The following DPP10 variants were observed in gnomAD, a reference collection of about 807,000 sequenced individuals.
DPP10 encodes inactive dipeptidyl peptidase 10.
A neutral mutation model predicts 120.9 loss-of-function variants in DPP10; 33 were observed. The ratio of observed to expected loss-of-function variants is 0.27; its 90% CI spans 0.21 to 0.37. DPP10 has a LOEUF of 0.37. DPP10 is among the 10% of genes least tolerant of loss of function. DPP10 has a pLI of 1.00. For missense variants in DPP10, 816 were observed against 942.8 expected (o/e 0.87, Z 1.76); for synonymous variants, 337 against 326.1 (o/e 1.03, Z -0.36).
At chr2:115,433,224 C>A (rs138947314) in intron 3 of DPP10, among the ~76,000 whole-genome samples, 1 of 152,112 alleles carries the variant, frequency 6.6e-6, no homozygotes, top group African/African-American at 2.4e-5. Context: ...GAAAGAAGGG[C>A]ATTTTTCATT....
chr2:114,514,542 G>A (rs1684430914), intron 1 of DPP10, among the ~76,000 whole-genome samples: 1 of 152,124 alleles, frequency 6.6e-6, no homozygotes, highest in South Asian at 2.1e-4. Flanking sequence ...GACCAGAGAA[G>A]CTTAAGGCAT....
At chr2:114,614,391 A>C (rs1693524427) in intron 1 of DPP10, among the ~76,000 whole-genome samples, 1 of 152,148 alleles carries the variant, frequency 6.6e-6, no homozygotes, top group Admixed American at 6.6e-5. Flanking sequence ...CAAATTCCTA[A>C]TGCTTGGTCT....
intron 3 of DPP10, among the ~76,000 whole-genome samples, chr2:115,400,861 C>A (rs1027171971): frequency 6.6e-6 from 1 of 152,170 alleles, no homozygotes; most frequent in Non-Finnish European, 1.5e-5. Flanking sequence ...TTTGTAACAG[C>A]GGGCATTGAA....
At chr2:115,811,901 C>T (rs183835633) in intron 19 of DPP10, among the ~76,000 whole-genome samples, 3 of 152,236 alleles carry the variant, frequency 2.0e-5, no homozygotes, top group South Asian at 2.1e-4. Context: ...TATAGTTCTC[C>T]ATTTTTAAGT....
chr2:115,832,902 C>T (rs977696524), intron 21 of DPP10, among the ~76,000 whole-genome samples: 1 of 151,914 alleles, frequency 6.6e-6, no homozygotes, highest in Non-Finnish European at 1.5e-5. Context: ...GCAGTAATAA[C>T]TTGTTGTATA....
intron 1 of DPP10, among the ~76,000 whole-genome samples, chr2:114,979,551 AAAC>A (rs1320161746): frequency 2.0e-5 from 3 of 152,044 alleles, no homozygotes; most frequent in Non-Finnish European, 2.9e-5. Flanking sequence ...GGGAATTACT[AAAC>A]AATCTGTCAC....
At chr2:114,839,412 A>T (rs1002089807) in intron 1 of DPP10, among the ~76,000 whole-genome samples, 1 of 152,226 alleles carries the variant, frequency 6.6e-6, no homozygotes, top group Non-Finnish European at 1.5e-5. Flanking sequence ...GCTACTATGT[A>T]CATTAAATTC....
intron 1 of DPP10, among the ~76,000 whole-genome samples, chr2:115,114,053 T>C (rs2049370901): frequency 6.6e-6 from 1 of 152,222 alleles, no homozygotes; most frequent in Non-Finnish European, 1.5e-5. Flanking sequence ...CTACAGCTTC[T>C]GAGATGACTT....
intron 1 of DPP10, among the ~76,000 whole-genome samples, chr2:115,238,761 T>C (rs983425869): frequency 2.0e-5 from 3 of 152,172 alleles, no homozygotes; most frequent in Non-Finnish European, 4.4e-5. Context: ...TAGAATATTA[T>C]ATAAAGTTGG....
At chr2:114,768,396 A>G (rs73949012) in intron 1 of DPP10, among the ~76,000 whole-genome samples, 1,996 of 152,330 alleles carry the variant, frequency 0.013, 63 homozygotes, top group African/African-American at 0.046. Context: ...CCTTAAGAAT[A>G]AATGATCACG....
chr2:114,796,772 G>A lies in DPP10; in HGVS notation c.60+353934G>A, dbSNP rs557190440. ...GGCTGTTTCCTATGTGCAAGTGATA[G>A]ATTCTCTTGTGACTATTTCTAACAT... On this transcript the variant is annotated intron_variant, in intron 1 of 25. Transcript: ENST00000410059. Among the ~76,000 whole-genome samples the A allele has an allele frequency of 4.3e-3, 650 of 152,284 alleles. 6 individuals carry two copies. The highest frequency in any genetic ancestry group is 0.015 in the African/African-American group (627 of 41,558).
At chr2:115,002,045 A>G (rs1311437982) in intron 1 of DPP10, among the ~76,000 whole-genome samples, 1 of 152,228 alleles carries the variant, frequency 6.6e-6, no homozygotes, top group South Asian at 2.1e-4. Flanking sequence ...TAAAATTCAT[A>G]TGGAACCAAA....
At chr2:114,640,504 A>G (rs1257460860) in intron 1 of DPP10, among the ~76,000 whole-genome samples, 1 of 151,830 alleles carries the variant, frequency 6.6e-6, no homozygotes, top group African/African-American at 2.4e-5. Flanking sequence ...CATAGTGTAG[A>G]TAAAGAGAAC....
At chr2:114,521,956 C>T (rs1216059457) in intron 1 of DPP10, among the ~76,000 whole-genome samples, 10 of 146,458 alleles carry the variant, frequency 6.8e-5, no homozygotes, top group South Asian at 4.4e-4. Context: ...TACAGGCGCC[C>T]GCCACCGCGC....
chr2:114,701,773 T>C (rs1700397419), intron 1 of DPP10, among the ~76,000 whole-genome samples: 1 of 152,036 alleles, frequency 6.6e-6, no homozygotes, highest in Non-Finnish European at 1.5e-5. Context: ...TATGAGAAAA[T>C]GTCTCTGCCT....
At chr2:115,249,236 A>C (rs1419299541) in intron 1 of DPP10, among the ~76,000 whole-genome samples, 1 of 152,160 alleles carries the variant, frequency 6.6e-6, no homozygotes, top group Non-Finnish European at 1.5e-5. Context: ...ACTTTAGAAA[A>C]CATTAAGCAT....
intron 13 of DPP10, among the ~76,000 whole-genome samples, chr2:115,770,915 T>C (rs1048698281): frequency 6.6e-6 from 1 of 152,234 alleles, no homozygotes; most frequent in South Asian, 2.1e-4. Context: ...AAGCATAATA[T>C]AGATTTGTAA....
intron 1 of DPP10, among the ~76,000 whole-genome samples, chr2:114,876,678 C>T (rs1048749091): frequency 6.6e-6 from 1 of 152,032 alleles, no homozygotes; most frequent in Non-Finnish European, 1.5e-5. Context: ...GCTCAATGTC[C>T]TCATGTAATC....
chr2:115,778,823 A>G (rs1682423339), intron 15 of DPP10, among the ~76,000 whole-genome samples: 1 of 152,084 alleles, frequency 6.6e-6, no homozygotes, highest in South Asian at 2.1e-4. Context: ...CATCATTATT[A>G]TAAGTTTATT....
Sources: gnomAD v4.1 joint callset for allele counts (sites outside exome capture counted in the v4.1 genomes callset) on GRCh38, gnomAD v4.1.1 for gene constraint, MANE v1.5 for transcripts, NCBI Gene and HGNC (gene_info 2026-07-23, HGNC 2026-07-21) for gene names.